The following SYN3 variants were observed in gnomAD, a reference collection of about 807,000 sequenced individuals.
The protein encoded by SYN3 is synapsin III, also known as synapsin-3.
Under a neutral mutation model 65.8 loss-of-function variants are expected in SYN3, and 35 were observed. The ratio of observed to expected loss-of-function variants is 0.53; its 90% CI spans 0.41 to 0.70. The LOEUF (loss-of-function observed/expected upper bound fraction) is 0.70, where lower values mean the gene tolerates loss of function less well. Among genes scored for constraint, SYN3 ranks in the 30% least tolerant of loss-of-function variants. The pLI is 0.00. For synonymous variants in SYN3, 270 were observed against 292.9 expected, an observed-to-expected ratio of 0.92 and a Z score of 0.80; for missense variants, 680 against 749.0, an observed-to-expected ratio of 0.91 and a Z score of 1.08.
Position 32,897,369 on chromosome 22 carries a change from T to C in SYN3, c.462-28244A>G, listed in dbSNP as rs375452681. On this transcript the variant is annotated intron_variant, in intron 4 of 13. Coordinates refer to ENST00000358763, the MANE Select transcript of SYN3 (RefSeq NM_003490.4). ...CTGGGCTGCTCTCTTGGATGCTGCG[T>C]GCAGCTCATCCCTGCCTGGGAACTG... Among the ~76,000 whole-genome samples the C allele has an allele frequency of 5.1e-3, 775 of 152,336 alleles. 1 individual carries two copies. The highest frequency in any genetic ancestry group is 6.3e-3 in the Non-Finnish European group (430 of 68,022).
chr22:32,528,779 T>TG, intron 11 of SYN3, 95 bp downstream of exon 11: 1 of 1,545,490 alleles, frequency 6.5e-7, no homozygotes, highest in Non-Finnish European at 8.8e-7. Flanking sequence ...GGTTTCTTCC[T>TG]GGGGGTATCC....
chr22:32,624,047 G>C (rs2059631560), intron 6 of SYN3, among the ~76,000 whole-genome samples: 1 of 152,222 alleles, frequency 6.6e-6, no homozygotes, highest in South Asian at 2.1e-4. Flanking sequence ...CTTCTATGAG[G>C]CAATCCTCGG....
chr22:32,581,044 A>G (rs1348788197), intron 7 of SYN3, among the ~76,000 whole-genome samples: 7 of 152,186 alleles, frequency 4.6e-5, no homozygotes, highest in Non-Finnish European at 8.8e-5. Context: ...ACAATTTTTT[A>G]AGAGTGCGTT....
chr22:32,856,032 C>G (rs2048353863), intron 6 of SYN3, among the ~76,000 whole-genome samples: 2 of 152,190 alleles, frequency 1.3e-5, no homozygotes, highest in South Asian at 4.1e-4. Context: ...AGCTTGAATT[C>G]AACGTTCACC....
intron 3 of SYN3, among the ~76,000 whole-genome samples, chr22:32,948,726 G>A (rs1003289038): frequency 3.6e-5 from 3 of 83,980 alleles, no homozygotes; most frequent in African/African-American, 1.3e-4. Context: ...GACAGAGTGA[G>A]ACTCCGTCTC....
At chr22:32,987,977 G>C (rs924758339) in intron 2 of SYN3, among the ~76,000 whole-genome samples, 2 of 152,096 alleles carry the variant, frequency 1.3e-5, no homozygotes, top group Non-Finnish European at 2.9e-5. Context: ...GTGGGGTGCA[G>C]GGGAGATTGG....
intron 4 of SYN3, among the ~76,000 whole-genome samples, chr22:32,913,734 G>C (rs1322432471): frequency 3.3e-5 from 5 of 152,182 alleles, no homozygotes; most frequent in Admixed American, 2.0e-4. Flanking sequence ...CCGGAGTGGG[G>C]AAGAATGACA....
chr22:32,579,372 GAT>G (rs2058901477), intron 7 of SYN3, among the ~76,000 whole-genome samples: 1 of 152,174 alleles, frequency 6.6e-6, no homozygotes, highest in African/African-American at 2.4e-5. Context: ...GGTGTCAGCA[GAT>G]CAGTGTCTGA....
chr22:32,743,169 A>T (rs1029627835), intron 6 of SYN3, among the ~76,000 whole-genome samples: 1 of 152,210 alleles, frequency 6.6e-6, no homozygotes. Context: ...GTGAGTATAA[A>T]TGTATGATTC....
chr22:32,800,252 C>T (rs1203672723), intron 6 of SYN3, among the ~76,000 whole-genome samples: 5 of 151,966 alleles, frequency 3.3e-5, no homozygotes, highest in African/African-American at 9.7e-5. Context: ...CAGGATGAAG[C>T]GGAAGAGAAA....
At chr22:32,629,196 G>A (rs1202307095) in intron 6 of SYN3, among the ~76,000 whole-genome samples, 1 of 152,188 alleles carries the variant, frequency 6.6e-6, no homozygotes, top group Non-Finnish European at 1.5e-5. Flanking sequence ...GATAGCAACA[G>A]AGCAGCCCTC....
chr22:32,733,972 A>AG (rs5845024), intron 6 of SYN3, among the ~76,000 whole-genome samples: 152,250 of 152,250 alleles, frequency 1, 76,125 homozygotes, highest in Non-Finnish European at 1. Context: ...ACCAAAAGCC[A>AG]GGCTGAGCCA....
chr22:32,807,349 A>T (rs1214261360), intron 6 of SYN3, among the ~76,000 whole-genome samples: 7 of 1,036 alleles, frequency 6.8e-3, no homozygotes, highest in South Asian at 0.056. Flanking sequence ...TAATATATAA[A>T]TATATAATAT....
intron 6 of SYN3, among the ~76,000 whole-genome samples, chr22:32,803,221 G>A (rs528775209): frequency 5.9e-5 from 9 of 152,190 alleles, no homozygotes; most frequent in South Asian, 2.1e-4. Flanking sequence ...TGCCTGTGTC[G>A]ATTCAGAGGT....
intron 6 of SYN3, among the ~76,000 whole-genome samples, chr22:32,850,688 C>T (rs1337687161): frequency 6.6e-6 from 1 of 152,144 alleles, no homozygotes; most frequent in Non-Finnish European, 1.5e-5. Context: ...AACTGTCCAG[C>T]CCTTTAACTT....
At chr22:33,024,222 G>A (rs2053604412) in intron 1 of SYN3, among the ~76,000 whole-genome samples, 1 of 152,206 alleles carries the variant, frequency 6.6e-6, no homozygotes, top group Non-Finnish European at 1.5e-5. Flanking sequence ...GTATGGTGGA[G>A]TGCAATTCCA....
chr22:32,743,395 T>C lies in SYN3; in HGVS notation c.711+121520A>G, dbSNP rs149471790. Among the ~76,000 whole-genome samples, 393 of 152,256 alleles carry C rather than the reference T, an allele frequency of 2.6e-3. 1 individual carries two copies. The highest frequency in any genetic ancestry group is 4.6e-3 in the Non-Finnish European group (310 of 68,010). ...GGCCATCCTGGTGCCCCGAGCCAGC[T>C]AGTGGCCTAGAATCCCTTCTAACCA... On this transcript the variant is annotated intron_variant, in intron 6 of 13. Coordinates refer to ENST00000358763, the MANE Select transcript of SYN3 (RefSeq NM_003490.4).
chr22:32,615,559 A>G (rs1421577542), intron 6 of SYN3, among the ~76,000 whole-genome samples: 1 of 152,136 alleles, frequency 6.6e-6, no homozygotes, highest in African/African-American at 2.4e-5. Context: ...GCTCTGCCAC[A>G]TTCTGGAGGA....
At chr22:32,516,635 G>T (rs1222233550) in intron 13 of SYN3, among the ~76,000 whole-genome samples, 1 of 152,154 alleles carries the variant, frequency 6.6e-6, no homozygotes, top group Non-Finnish European at 1.5e-5. Flanking sequence ...CAAAGTGTTG[G>T]GATTACAGGC....
Sources: allele counts gnomAD v4.1 joint callset (sites outside exome capture counted in the v4.1 genomes callset), GRCh38; gene constraint gnomAD v4.1.1; transcripts MANE v1.5; gene names NCBI Gene and HGNC (gene_info 2026-07-23, HGNC 2026-07-21).